Variants in NAAA observed in about 807,000 individuals in gnomAD.
NAAA encodes the protein N-acylethanolamine acid amidase.
In NAAA, 39 loss-of-function variants were observed where a neutral mutation model predicts 44.8. The observed-to-expected ratio is 0.87, with a 90% CI of 0.67 to 1.14. The LOEUF (loss-of-function observed/expected upper bound fraction) is 1.14, where lower values mean the gene tolerates loss of function less well. Among genes scored for constraint, NAAA ranks in the 50% most tolerant of loss-of-function variants. The pLI, the probability that NAAA is intolerant of heterozygous loss-of-function variation, is 0.00. For synonymous variants in NAAA, 178 were observed against 191.3 expected (o/e 0.93, Z 0.58); for missense variants, 460 against 467.8 (o/e 0.98, Z 0.15).
chr4:75,940,363 G>T, intron 1 of NAAA, 198 bp from the exon 2 acceptor site: 1 of 597,278 alleles, frequency 1.7e-6, no homozygotes. Context: ...GGGGGAAGGC[G>T]GCGGGTAAGA....
At chr4:75,930,688 C>A (rs748559569) in intron 4 of NAAA, among the ~76,000 whole-genome samples, 5 of 152,314 alleles carry the variant, frequency 3.3e-5, no homozygotes, top group Middle Eastern at 3.4e-3. Flanking sequence ...CACTCCCTGG[C>A]CTACAATCCC....
chr4:75,934,052 GTAATAATAATAATAA>G (rs66466020), intron 3 of NAAA, among the ~76,000 whole-genome samples: 11,521 of 141,942 alleles, frequency 0.081, 1,051 homozygotes, highest in African/African-American at 0.22. Flanking sequence ...AATAGTAGTA[GTAATAATAATAATAA>G]TAATAATAAT....
In NAAA at chr4:75,940,050, G is replaced by A. The variant is rs774551367; in HGVS notation, c.322C>T (p.Leu108Phe). 5.0e-6 allele frequency: 8 copies of A among 1,614,114 alleles called. No homozygotes were observed. The Admixed American group carries it at 8.3e-5, about 17-fold the overall frequency. Reference protein sequence around the residue: ...EIRGMCDFMNLSLADCLLVNL... With the variant: ...EIRGMCDFMNFSLADCLLVNL... ...ACCAGAAGGCAGTCCGCCAGGCTGA[G>A]GTTCATGAAGTCACACATGCCGCGG... The change falls in exon 2 of 11, where the codon CTC (leucine) becomes TTC (phenylalanine). Residue 108 changes from leucine to phenylalanine, a missense_variant. Leu to Phe is a conservative substitution (Grantham distance 22). Coordinates refer to ENST00000286733, the MANE Select transcript of NAAA (RefSeq NM_014435.4).
chr4:75,938,973 C>T (rs1727974797), intron 2 of NAAA, among the ~76,000 whole-genome samples: 1 of 152,168 alleles, frequency 6.6e-6, no homozygotes, highest in African/African-American at 2.4e-5. Context: ...CCTCGGCCTC[C>T]CAAGTAGCTG....
Position 75,925,754 on chromosome 4 carries a change from A to G in NAAA, c.647T>C (p.Val216Ala), listed in dbSNP as rs749761779. The change falls in exon 5 of 11, where the codon GTC (valine) becomes GCC (alanine). Residue 216 changes from valine (V) to alanine (A), a missense_variant. Transcript: ENST00000286733. ...IAALFRRHIP[V>A]SWLIRATLSE... ...ACTCACAGCGCGGATCAGCCAGCTG[A>G]CGGGAATGTGTCTCCGAAACAGGGC... The G allele has an allele frequency of 4.6e-5, 74 of 1,614,226 alleles. No individual in the cohort carries two copies. The highest frequency in any genetic ancestry group is 2.7e-4 in the Admixed American group (16 of 60,022).
Position 75,913,854 on chromosome 4 carries a change from A to C in NAAA, c.*521T>G. ...CATTATAAAAAACGAGACTCCCATT[A>C]CATGGAAACACATGATCAAAGATCA... On this transcript the variant is annotated 3_prime_UTR_variant, in exon 11 of 11. Coordinates refer to ENST00000286733, the MANE Select transcript of NAAA (RefSeq NM_014435.4). 1 of 985,146 alleles carries C rather than the reference A, an allele frequency of 1.0e-6. No homozygotes were observed. The highest frequency in any genetic ancestry group is 1.1e-4 in the East Asian group (1 of 8,836). 61.0% of individuals were successfully genotyped at this position (985,146 alleles called of 1,614,324 possible). A position where few individuals can be genotyped will look rare whatever the true frequency, so the allele number is the denominator to read the frequency against.
chr4:75,929,087 C>T (rs563272488), intron 4 of NAAA, among the ~76,000 whole-genome samples: 11 of 152,186 alleles, frequency 7.2e-5, no homozygotes, highest in South Asian at 6.2e-4. Context: ...CCACCGCGCC[C>T]GGCCCATCCC....
intron 4 of NAAA, among the ~76,000 whole-genome samples, chr4:75,926,995 C>G (rs1726764371): frequency 6.6e-6 from 1 of 151,482 alleles, no homozygotes. Context: ...CAGAGTGAGA[C>G]TCTGTCTCAA....
rs1414168247 is a variant in NAAA, at chr4:75,931,734, T to C, written c.499-430A>G. Among the ~76,000 whole-genome samples the C allele has an allele frequency of 2.6e-5, 4 of 152,244 alleles. No homozygotes were observed. In the East Asian group the frequency reaches 7.7e-4, roughly 29 times the overall value. ...TTTACTACTTTGAAATCATGGTAGT[T>C]ATTAGACCCCCTGCTAAACCTTACT... On this transcript the variant is annotated intron_variant, in intron 3 of 10. Coordinates refer to ENST00000286733, the MANE Select transcript of NAAA (RefSeq NM_014435.4).
intron 4 of NAAA, among the ~76,000 whole-genome samples, chr4:75,927,544 T>G (rs989145372): frequency 2.6e-4 from 39 of 150,890 alleles, no homozygotes; most frequent in Non-Finnish European, 5.7e-4. Flanking sequence ...GCAGGAGGAC[T>G]GCGTGAGCTC....
chr4:75,937,060 C>T (rs12374321), intron 2 of NAAA, among the ~76,000 whole-genome samples: 31,782 of 152,066 alleles, frequency 0.21, 3,718 homozygotes, highest in East Asian at 0.36. Context: ...TTTTCTACAA[C>T]GATTACATGT....
intron 3 of NAAA, among the ~76,000 whole-genome samples, chr4:75,932,713 AG>A (rs1018250208): frequency 1.3e-5 from 2 of 152,172 alleles, no homozygotes; most frequent in Non-Finnish European, 2.9e-5. Flanking sequence ...TATGTGGCCC[AG>A]GCTCGTCTCA....
intron 2 of NAAA, 102 bp downstream of exon 2, chr4:75,939,899 C>G: frequency 7.2e-7 from 1 of 1,386,452 alleles, no homozygotes; most frequent in Admixed American, 1.9e-5. Flanking sequence ...CAAGCAGGCA[C>G]CGCCCTGTTT....
At chr4:75,930,431 A>G in intron 4 of NAAA, 1 of 509,730 alleles carries the variant, frequency 2.0e-6, no homozygotes, top group Non-Finnish European at 3.9e-6. Flanking sequence ...TCTCTGCCTA[A>G]CGAATGGAGT....
chr4:75,936,210 C>A lies in NAAA; in HGVS notation c.397G>T (p.Asp133Tyr). 6.2e-7 allele frequency: 1 copy of A among 1,613,776 alleles called. No individual in the cohort carries two copies. The highest frequency in any genetic ancestry group is 1.1e-5 in the South Asian group (1 of 91,058). ...CCATGGTAAATGTGGCCTCTGGAGT[C>A]TTGAGCCACAATACTGGTGCAGAAC... ...SVFCTSIVAQ[D>Y]SRGHIYHGRN... is the part of the protein sequence containing the mutation. The change falls in exon 3 of 11, where the codon GAC becomes TAC. Residue 133 changes from aspartate to tyrosine, a missense_variant. Asp to Tyr is a radical substitution (Grantham distance 160). Coordinates refer to ENST00000286733, the MANE Select transcript of NAAA (RefSeq NM_014435.4).
chr4:75,921,170 G>A (rs1332058184), intron 5 of NAAA, 47 bp from the exon 6 acceptor site: 8 of 1,516,300 alleles, frequency 5.3e-6, no homozygotes, highest in Non-Finnish European at 7.1e-6. Context: ...CTGCAGTTGG[G>A]TCCACACCAG....
chr4:75,912,485 C>T (rs373741260), downstream of NAAA, among the ~76,000 whole-genome samples: 8 of 146,932 alleles, frequency 5.4e-5, no homozygotes, highest in Non-Finnish European at 1.0e-4. Flanking sequence ...ACCCAGGAGG[C>T]GGAGGTTGCA....
chr4:75,934,462 C>A (rs904399471), intron 3 of NAAA, among the ~76,000 whole-genome samples: 2 of 149,612 alleles, frequency 1.3e-5, no homozygotes, highest in African/African-American at 4.9e-5. Flanking sequence ...ATTACAGACA[C>A]CCACCCACAC....
chr4:75,917,775 T>G (rs758259933), intron 9 of NAAA: 1 of 376,904 alleles, frequency 2.7e-6, no homozygotes, highest in South Asian at 1.8e-5. Context: ...CTGCTTTCAC[T>G]TAAAAAAAAA....
Sources: allele counts gnomAD v4.1 joint callset (sites outside exome capture counted in the v4.1 genomes callset), GRCh38; gene constraint gnomAD v4.1.1; transcripts MANE v1.5; gene names NCBI Gene and HGNC (gene_info 2026-07-23, HGNC 2026-07-21).